The following IFNGR2 variants were observed in gnomAD, a reference collection of about 807,000 sequenced individuals.
The protein encoded by IFNGR2 is IFN-gamma receptor 2.
A neutral mutation model predicts 41.1 loss-of-function variants in IFNGR2; 15 were observed. The ratio of observed to expected loss-of-function variants is 0.37; its 90% CI spans 0.24 to 0.56. The LOEUF (loss-of-function observed/expected upper bound fraction) is 0.56, where lower values mean the gene tolerates loss of function less well. Ranked by LOEUF, IFNGR2 falls within the 20% of genes least tolerant of loss-of-function variation. The pLI is 0.81. For missense variants in IFNGR2, 362 were observed against 415.7 expected, an observed-to-expected ratio of 0.87 and a Z score of 1.12; for synonymous variants, 161 against 171.6, an observed-to-expected ratio of 0.94 and a Z score of 0.48.
At chr21:33,421,224 C>T (rs1451018707) in intron 2 of IFNGR2, among the ~76,000 whole-genome samples, 2 of 144,278 alleles carry the variant, frequency 1.4e-5, no homozygotes, top group Admixed American at 7.3e-5. Flanking sequence ...TCCAGCTACT[C>T]GGGAGGCTGA....
In IFNGR2 at chr21:33,414,933, T is replaced by G. The variant is rs2083743506; in HGVS notation, c.119T>G (p.Leu40Arg). Reference sequence around the variant, plus strand: ...GCTCCTCAGCACCCGAAGATTCGCCTGTACAACGCAGAGCAGGTCCTGAGT... The same window carrying G: ...GCTCCTCAGCACCCGAAGATTCGCCGGTACAACGCAGAGCAGGTCCTGAGT... ...LPAPQHPKIR[L>R]YNAEQVLSWE... The change falls in exon 2 of 7, where the codon CTG (leucine) becomes CGG (arginine). Residue 40 changes from leucine to arginine, a missense_variant. Physicochemically the swap from Leu to Arg is moderately radical, Grantham distance 102 (BLOSUM62 -2). Transcript: ENST00000290219. 6.2e-7 allele frequency: 1 copy of G among 1,614,094 alleles called. No individual in the cohort carries two copies. Among genetic ancestry groups the G allele is most frequent in the Admixed American group, 1.7e-5 (1 of 59,996 alleles).
In IFNGR2 at chr21:33,436,365, AAAAT is replaced by A. The variant is rs1294656169; in HGVS notation, c.880-460_880-457del. On this transcript the variant is annotated intron_variant, in intron 6 of 6. Transcript: ENST00000290219. Reference sequence around the variant, plus strand: ...ATTGTTTCATTGTTGAATAAAAAGAAAAATAAGTTATGTCATTGGTGGACAGAAT... The same window carrying A: ...ATTGTTTCATTGTTGAATAAAAAGAAAAGTTATGTCATTGGTGGACAGAAT... Among the ~76,000 whole-genome samples the A allele has an allele frequency of 3.7e-4, 57 of 152,320 alleles. 1 individual carries two copies. The highest frequency in any genetic ancestry group is 3.7e-3 in the Admixed American group (57 of 15,302).
At chr21:33,430,916 A>C (rs1016593601) in intron 4 of IFNGR2, among the ~76,000 whole-genome samples, 3 of 152,206 alleles carry the variant, frequency 2.0e-5, no homozygotes, top group African/African-American at 7.2e-5. Flanking sequence ...ATTAGAAAAC[A>C]GTTCTTTGCA....
At chr21:33,434,817 C>G (rs1415902092) in intron 6 of IFNGR2, among the ~76,000 whole-genome samples, 1 of 152,160 alleles carries the variant, frequency 6.6e-6, no homozygotes, top group Non-Finnish European at 1.5e-5. Context: ...GTCTCAGAAT[C>G]TTACTTGCAG....
At chr21:33,405,758 C>G (rs559912191) in intron 1 of IFNGR2, among the ~76,000 whole-genome samples, 1 of 152,226 alleles carries the variant, frequency 6.6e-6, no homozygotes, top group South Asian at 2.1e-4. Flanking sequence ...AGGCCAGGCT[C>G]GGTGGCTCAC....
intron 2 of IFNGR2, 60 bp downstream of exon 2, chr21:33,415,080 TG>T: frequency 1.3e-6 from 2 of 1,589,334 alleles, no homozygotes; most frequent in Non-Finnish European, 8.6e-7. Flanking sequence ...TGCGGAACCC[TG>T]GGGCCACATA....
At chr21:33,406,604 T>C (rs1390842355) in intron 1 of IFNGR2, among the ~76,000 whole-genome samples, 1 of 151,788 alleles carries the variant, frequency 6.6e-6, no homozygotes, top group African/African-American at 2.4e-5. Flanking sequence ...CGGTGTAATT[T>C]TGAAATTGCT....
intron 6 of IFNGR2, among the ~76,000 whole-genome samples, chr21:33,435,677 G>A (rs755744556): frequency 6.6e-6 from 1 of 151,846 alleles, no homozygotes; most frequent in African/African-American, 2.4e-5. Context: ...GAAGTCAGGA[G>A]ATCGAGACCA....
intron 3 of IFNGR2, among the ~76,000 whole-genome samples, chr21:33,423,401 T>C (rs942499691): frequency 1.3e-5 from 2 of 151,242 alleles, no homozygotes; most frequent in Non-Finnish European, 2.9e-5. Flanking sequence ...TTTTTGTTGT[T>C]GTTGTTTTTG....
intron 2 of IFNGR2, among the ~76,000 whole-genome samples, chr21:33,416,739 G>GTGAA (rs374851872): frequency 0.01 from 1,514 of 151,022 alleles, 21 homozygotes; most frequent in African/African-American, 0.035. Flanking sequence ...GGAGAATGGC[G>GTGAA]TGAACCCGGG....
intron 4 of IFNGR2, among the ~76,000 whole-genome samples, chr21:33,427,308 CCTG>C (rs1439036815): frequency 6.6e-6 from 1 of 152,142 alleles, no homozygotes; most frequent in East Asian, 1.9e-4. Context: ...TTGCCGGTGC[CCTG>C]CTTACGATGC....
At chr21:33,407,699 G>A (rs974008957) in intron 1 of IFNGR2, among the ~76,000 whole-genome samples, 1 of 152,142 alleles carries the variant, frequency 6.6e-6, no homozygotes, top group Non-Finnish European at 1.5e-5. Flanking sequence ...AGGTTCAAGC[G>A]ATTCTCCTGT....
chr21:33,435,519 A>G (rs1282477419), intron 6 of IFNGR2, among the ~76,000 whole-genome samples: 1 of 152,186 alleles, frequency 6.6e-6, no homozygotes, highest in Non-Finnish European at 1.5e-5. Flanking sequence ...AACTCTCAGC[A>G]TATTAACATG....
At chr21:33,427,842 A>ATTTT (rs2083852304) in intron 4 of IFNGR2, among the ~76,000 whole-genome samples, 2 of 39,452 alleles carry the variant, frequency 5.1e-5, no homozygotes, top group African/African-American at 1.2e-4. Flanking sequence ...ATCTCATTTC[A>ATTTT]TCTTTTTTTT....
rs75043502 is a variant in IFNGR2 at position 33,414,941 on chromosome 21, G to C, written c.127G>C (p.Ala43Pro). 1 of 1,613,926 alleles carries C rather than the reference G, an allele frequency of 6.2e-7. No individual in the cohort carries two copies. The highest frequency in any genetic ancestry group is 2.2e-5 in the East Asian group (1 of 44,886). ...GCACCCGAAGATTCGCCTGTACAAC[G>C]CAGAGCAGGTCCTGAGTTGGGAGCC... ...PQHPKIRLYN[A>P]EQVLSWEPVA... is the part of the protein sequence containing the mutation. The change falls in exon 2 of 7, where the codon GCA (alanine) becomes CCA (proline). Residue 43 changes from alanine (A) to proline (P), a missense_variant. Coordinates refer to ENST00000290219, the MANE Select transcript of IFNGR2 (RefSeq NM_005534.4).
rs17882174 is a variant in IFNGR2, at chr21:33,418,356, T to TAG, written c.207-3121_207-3120dup. 1.1e-3 allele frequency among the ~76,000 whole-genome samples: 163 copies of TAG among 152,270 alleles called. 1 individual carries two copies. The highest frequency in any genetic ancestry group is 3.7e-3 in the African/African-American group (152 of 41,548). On this transcript the variant is annotated intron_variant, in intron 2 of 6. Coordinates refer to ENST00000290219, the MANE Select transcript of IFNGR2 (RefSeq NM_005534.4). ...TAGGTGTAAGCCATCACGCCCAGCCTAGAGGTTGGTTTTAGTAAAAGAAAC... is the reference window on the plus strand; with the variant it reads ...TAGGTGTAAGCCATCACGCCCAGCCTAGAGAGGTTGGTTTTAGTAAAAGAAAC...
chr21:33,411,273 C>G (rs2083713643), intron 1 of IFNGR2, among the ~76,000 whole-genome samples: 1 of 152,188 alleles, frequency 6.6e-6, no homozygotes, highest in Admixed American at 6.5e-5. Flanking sequence ...CAGTGATGCC[C>G]TTTTGCTGTT....
At position 33,403,510 on chromosome 21, in the gene IFNGR2, C is replaced by T; in HGVS notation, c.-34C>T. The T allele has an allele frequency of 8.3e-7, 1 of 1,200,466 alleles. No individual in the cohort carries two copies. Among genetic ancestry groups the T allele is most frequent in the South Asian group, 2.8e-5 (1 of 36,086 alleles). The allele number at this position is 1,200,466 out of a possible 1,614,324, so 74.4% of individuals were successfully genotyped here. A position where few individuals can be genotyped will look rare whatever the true frequency, so the allele number is the denominator to read the frequency against. The stretch of plus-strand genomic sequence containing the variant: ...CCGCGGACCCCGAGCGGGGCCCCGG[C>T]CGCGACCTGAGCCGCCGCCGAGCGC... On this transcript the variant is annotated 5_prime_UTR_variant, in exon 1 of 7. Transcript: ENST00000290219.
At chr21:33,428,588 C>T (rs546900429) in intron 4 of IFNGR2, among the ~76,000 whole-genome samples, 1 of 152,240 alleles carries the variant, frequency 6.6e-6, no homozygotes, top group East Asian at 1.9e-4. Flanking sequence ...GAAAAACAGA[C>T]TTAGCATCTA....
Sources: gnomAD v4.1 joint callset for allele counts (sites outside exome capture counted in the v4.1 genomes callset) on GRCh38, gnomAD v4.1.1 for gene constraint, MANE v1.5 for transcripts, NCBI Gene and HGNC (gene_info 2026-07-23, HGNC 2026-07-21) for gene names.